Variants in LCP2 observed in about 807,000 individuals in gnomAD.
LCP2 encodes lymphocyte cytosolic protein 2.
A neutral mutation model predicts 74.5 loss-of-function variants in LCP2; 29 were observed. The ratio of observed to expected loss-of-function variants is 0.39; its 90% CI spans 0.29 to 0.53. The LOEUF (loss-of-function observed/expected upper bound fraction) is 0.53. LCP2 is among the 20% of genes least tolerant of loss of function. LCP2 has a pLI of 0.72. For missense variants in LCP2, 604 were observed against 634.6 expected (o/e 0.95, Z 0.52); for synonymous variants, 228 against 229.5 (o/e 0.99, Z 0.06).
chr5:170,270,467 G>A (rs1190547648), intron 7 of LCP2: 3 of 416,830 alleles, frequency 7.2e-6, no homozygotes, highest in African/African-American at 4.2e-5. Context: ...AGAATTGGTT[G>A]CAGTCTTAGT....
Position 170,266,901 on chromosome 5 carries a change from G to GA in LCP2, c.689-11dup, listed in dbSNP as rs780495756. The GA allele has an allele frequency of 1.2e-6, 2 of 1,609,438 alleles. No individual in the cohort carries two copies. Among genetic ancestry groups the GA allele is most frequent in the Non-Finnish European group, 1.7e-6 (2 of 1,177,286 alleles). ...ATTGAAGGAGCAGGGACTGGAAGGG[G>GA]AAAAGGCTGACATCAATTAAAAGAA... On this transcript the variant is annotated splice_polypyrimidine_tract_variant and intron_variant, in intron 9 of 20. Coordinates refer to ENST00000046794, the MANE Select transcript of LCP2 (RefSeq NM_005565.5).
intron 1 of LCP2, among the ~76,000 whole-genome samples, chr5:170,295,550 G>A (rs1762360829): frequency 6.6e-6 from 1 of 152,224 alleles, no homozygotes; most frequent in Non-Finnish European, 1.5e-5. Flanking sequence ...GGTAAAGTGT[G>A]TCCGACCTCA....
At chr5:170,282,930 C>T (rs912022934) in intron 3 of LCP2, among the ~76,000 whole-genome samples, 1 of 152,198 alleles carries the variant, frequency 6.6e-6, no homozygotes, top group Non-Finnish European at 1.5e-5. Flanking sequence ...CTTGTAGAGT[C>T]TCTCTAACCC....
At chr5:170,275,910 AC>A in intron 3 of LCP2, 50 bp from the exon 4 acceptor site, 1 of 1,473,148 alleles carries the variant, frequency 6.8e-7, no homozygotes, top group Non-Finnish European at 9.3e-7. Flanking sequence ...CTCAGTCTCA[AC>A]CTTCCCCCTG....
intron 10 of LCP2, among the ~76,000 whole-genome samples, chr5:170,266,530 G>A (rs780831152): frequency 3.9e-5 from 6 of 152,344 alleles, no homozygotes; most frequent in Admixed American, 2.0e-4. Flanking sequence ...ATCACATAGA[G>A]AAGCAGCACA....
chr5:170,278,154 T>C (rs1244722223), intron 3 of LCP2, among the ~76,000 whole-genome samples: 1 of 150,712 alleles, frequency 6.6e-6, no homozygotes, highest in East Asian at 2.0e-4. Context: ...ACTCCCATTC[T>C]GTCACCTGTT....
chr5:170,247,919 T>G lies in LCP2; in HGVS notation c.*778A>C, dbSNP rs1761336509. ...TGTGGAGATGTGAAGAAATGCCAAC[T>G]TAACCCCAGATGTGTTCATTAAACC... On this transcript the variant is annotated 3_prime_UTR_variant, in exon 21 of 21. Coordinates refer to ENST00000046794, the MANE Select transcript of LCP2 (RefSeq NM_005565.5). 1 of 152,238 alleles carries G rather than the reference T, an allele frequency of 6.6e-6. No individual in the cohort carries two copies. The highest frequency in any genetic ancestry group is 2.4e-5 in the African/African-American group (1 of 41,434). 9.4% of individuals were successfully genotyped at this position (152,238 alleles called of 1,614,324 possible).
At chr5:170,249,861 A>G (rs1214318983) in intron 20 of LCP2, among the ~76,000 whole-genome samples, 1 of 152,232 alleles carries the variant, frequency 6.6e-6, no homozygotes, top group Admixed American at 6.5e-5. Flanking sequence ...GGGAGCTGCA[A>G]TGAGTGGTTG....
Position 170,297,693 on chromosome 5 carries a change from A to G in LCP2, c.-82T>C. ...AGAGAAGCTCAAATCCAGAGCTCGGAGGCGTTCTTGGCTCTTCCAACTCCC... is the reference window on the plus strand; with the variant it reads ...AGAGAAGCTCAAATCCAGAGCTCGGGGGCGTTCTTGGCTCTTCCAACTCCC... On this transcript the variant is annotated 5_prime_UTR_variant, in exon 1 of 21. Coordinates refer to ENST00000046794, the MANE Select transcript of LCP2 (RefSeq NM_005565.5). The G allele has an allele frequency of 7.9e-7, 1 of 1,259,882 alleles. No individual in the cohort carries two copies. The highest frequency in any genetic ancestry group is 1.1e-6 in the Non-Finnish European group (1 of 900,164). 78.0% of individuals were successfully genotyped at this position (1,259,882 alleles called of 1,614,324 possible).
At chr5:170,275,291 C>A in intron 5 of LCP2, 29 bp downstream of exon 5, 1 of 1,613,720 alleles carries the variant, frequency 6.2e-7, no homozygotes. Flanking sequence ...CCTCCTAAAG[C>A]AATCACCTCT....
intron 3 of LCP2, among the ~76,000 whole-genome samples, chr5:170,285,801 G>A (rs115866049): frequency 0.012 from 1,836 of 152,184 alleles, 46 homozygotes; most frequent in African/African-American, 0.042. Context: ...CTAAAGAGGG[G>A]CCCCTCTGAA....
rs535658210 is a variant in LCP2, at chr5:170,278,645, G to A, written c.189-2785C>T. 3.3e-5 allele frequency among the ~76,000 whole-genome samples: 5 copies of A among 152,214 alleles called. No individual in the cohort carries two copies. The South Asian group carries it at 1.0e-3, about 32-fold the overall frequency. Reference sequence around the variant, plus strand: ...CACCTCAACGCCCTCCTCCTACAGAGTTTGACAGGGCTCTGACCAGCTCAC... The same window carrying A: ...CACCTCAACGCCCTCCTCCTACAGAATTTGACAGGGCTCTGACCAGCTCAC... On this transcript the variant is annotated intron_variant, in intron 3 of 20. Coordinates refer to ENST00000046794, the MANE Select transcript of LCP2 (RefSeq NM_005565.5).
In LCP2 at chr5:170,294,392, A is replaced by T. The variant is rs556985993; in HGVS notation, c.79-1020T>A. On this transcript the variant is annotated intron_variant, in intron 1 of 20. Transcript: ENST00000046794. ...TTTAAGATCTTGGTTATTTTCCTAGACCAATCAGCAATCATATGAGGTGCT... is the reference window on the plus strand; with the variant it reads ...TTTAAGATCTTGGTTATTTTCCTAGTCCAATCAGCAATCATATGAGGTGCT... 2.0e-5 allele frequency among the ~76,000 whole-genome samples: 3 copies of T among 152,274 alleles called. No individual in the cohort carries two copies. The South Asian group carries it at 6.2e-4, about 32-fold the overall frequency.
chr5:170,289,643 T>TTCTCTCTCTCTCTCTCTCTC (rs1416875171), intron 2 of LCP2, among the ~76,000 whole-genome samples: 7 of 110,056 alleles, frequency 6.4e-5, no homozygotes, highest in African/African-American at 2.6e-4. Flanking sequence ...CTTTCTTTCT[T>TTCTCTCTCTCTCTCTCTCTC]TCTTTCTTTC....
rs199666234 is a variant in LCP2 at position 170,270,813 on chromosome 5, C to T, written c.429G>A (p.Ala143=). 3.4e-5 allele frequency: 55 copies of T among 1,611,686 alleles called. No individual in the cohort carries two copies. The highest frequency in any genetic ancestry group is 1.3e-4 in the African/African-American group (10 of 74,838). Residue 143 remains alanine, a synonymous_variant, in exon 7 of 21, where the codon GCG becomes GCA. Transcript: ENST00000046794. ...EEEEAPVEDD[A]DYEPPPSNDE... is the part of the protein sequence containing the mutation. Reference sequence around the variant, plus strand: ...CATTGGAGGGTGGCGGCTCATAATCCGCGTCATCTTCCACGGGTGCCTCTT... The same window carrying T: ...CATTGGAGGGTGGCGGCTCATAATCTGCGTCATCTTCCACGGGTGCCTCTT...
At chr5:170,273,062 T>C (rs1383877621) in intron 6 of LCP2, among the ~76,000 whole-genome samples, 4 of 145,060 alleles carry the variant, frequency 2.8e-5, no homozygotes, top group Non-Finnish European at 5.9e-5. Context: ...AAAAATTGCA[T>C]TGTGCCTCAG....
intron 5 of LCP2, among the ~76,000 whole-genome samples, chr5:170,275,010 G>T (rs183438207): frequency 7.2e-5 from 11 of 151,832 alleles, no homozygotes; most frequent in Admixed American, 1.3e-4. Context: ...GATGCAGGGG[G>T]ACTAGCTAAG....
intron 2 of LCP2, among the ~76,000 whole-genome samples, chr5:170,292,164 T>C (rs1762304740): frequency 6.6e-6 from 1 of 152,066 alleles, no homozygotes; most frequent in African/African-American, 2.4e-5. Context: ...CCTATAATGC[T>C]CTCCAGTATG....
At position 170,256,507 on chromosome 5, in the gene LCP2, A is replaced by C. The variant is rs756403756; in HGVS notation, c.1150+19T>G. 3.1e-6 allele frequency: 5 copies of C among 1,607,332 alleles called. No homozygotes were observed. The East Asian group carries it at 8.9e-5, about 29-fold the overall frequency. On this transcript the variant is annotated intron_variant, in intron 17 of 20. Transcript: ENST00000046794. This position sits in a 1 kb window ranked among gnomAD's most constrained non-coding sequence, Gnocchi z 4.5. The stretch of plus-strand genomic sequence containing the variant: ...AGGCTTGATGGCTGAAGCACGTCAC[A>C]AAAGCCCAGAGTACAAACCTTGAGA...
Sources: gnomAD v4.1 joint callset for allele counts (sites outside exome capture counted in the v4.1 genomes callset) on GRCh38, gnomAD v4.1.1 for gene constraint, Gnocchi (gnomAD v3.1) non-coding constraint, MANE v1.5 for transcripts, NCBI Gene and HGNC (gene_info 2026-07-23, HGNC 2026-07-21) for gene names.